The following EYA2 variants were observed in gnomAD, a reference collection of about 807,000 sequenced individuals.
EYA2 encodes EYA transcriptional coactivator and phosphatase 2.
A neutral mutation model predicts 69.2 loss-of-function variants in EYA2; 31 were observed. The ratio of observed to expected loss-of-function variants is 0.45; its 90% CI spans 0.34 to 0.60. The LOEUF (loss-of-function observed/expected upper bound fraction) is 0.60, where lower values mean the gene tolerates loss of function less well. Among genes scored for constraint, EYA2 ranks in the 20% least tolerant of loss-of-function variants. EYA2 has a pLI of 0.02. For synonymous variants in EYA2, 257 were observed against 279.4 expected, an observed-to-expected ratio of 0.92 and a Z score of 0.80; for missense variants, 622 against 701.2, an observed-to-expected ratio of 0.89 and a Z score of 1.28.
chr20:46,916,820 T>C (rs1221163593), intron 1 of EYA2, among the ~76,000 whole-genome samples: 1 of 152,200 alleles, frequency 6.6e-6, no homozygotes, highest in Non-Finnish European at 1.5e-5. Context: ...AGGCCTGCTG[T>C]GTGCCAGACA....
At chr20:47,074,014 G>T in intron 6 of EYA2, 144 bp from the exon 7 acceptor site, 1 of 746,710 alleles carries the variant, frequency 1.3e-6, no homozygotes, top group South Asian at 2.5e-5. Context: ...CCCGGGGTCT[G>T]CTTCTGGGAA....
chr20:47,035,784 G>T (rs1009112989), intron 5 of EYA2, among the ~76,000 whole-genome samples: 1 of 151,926 alleles, frequency 6.6e-6, no homozygotes, highest in African/African-American at 2.4e-5. Flanking sequence ...GAGGCAGGAG[G>T]ACTCCTTGAG....
intron 8 of EYA2, among the ~76,000 whole-genome samples, chr20:47,093,382 G>C (rs896829948): frequency 1.3e-5 from 2 of 152,250 alleles, no homozygotes; most frequent in Admixed American, 1.3e-4. Context: ...GGGGGCCATA[G>C]GAGGTGAAAT....
chr20:47,032,049 A>AG (rs1159222721), intron 5 of EYA2, among the ~76,000 whole-genome samples: 3 of 152,194 alleles, frequency 2.0e-5, no homozygotes, highest in Non-Finnish European at 4.4e-5. Flanking sequence ...AGCCTCAGGC[A>AG]GGGAGCCATT....
intron 9 of EYA2, among the ~76,000 whole-genome samples, chr20:47,129,139 A>G (rs913721474): frequency 6.6e-6 from 1 of 152,136 alleles, no homozygotes; most frequent in Non-Finnish European, 1.5e-5. Context: ...AAAGAAAATA[A>G]ATTAACCAAG....
intron 5 of EYA2, among the ~76,000 whole-genome samples, chr20:47,057,179 A>AAGGAAGGG: frequency 6.8e-6 from 1 of 147,364 alleles, no homozygotes; most frequent in Non-Finnish European, 1.5e-5. Context: ...GGAAGGAAGG[A>AAGGAAGGG]AGGAATCTCA....
chr20:47,100,065 C>T (rs2032381603), intron 9 of EYA2, among the ~76,000 whole-genome samples: 1 of 152,034 alleles, frequency 6.6e-6, no homozygotes, highest in African/African-American at 2.4e-5. Flanking sequence ...ATCACCAGTG[C>T]ATGGAACAGT....
At chr20:47,011,602 A>G (rs113192064) in intron 4 of EYA2, among the ~76,000 whole-genome samples, 8 of 152,152 alleles carry the variant, frequency 5.3e-5, no homozygotes, top group African/African-American at 1.7e-4. Context: ...ACCTTTGCAC[A>G]TGCCTTCCCT....
intron 4 of EYA2, among the ~76,000 whole-genome samples, chr20:47,014,635 T>C (rs955522012): frequency 4.6e-5 from 5 of 107,612 alleles, no homozygotes; most frequent in African/African-American, 1.7e-4. Context: ...AAAATGTGTG[T>C]GTGTGTGTGT....
intron 12 of EYA2, among the ~76,000 whole-genome samples, chr20:47,174,766 A>C (rs554719033): frequency 6.6e-6 from 1 of 152,360 alleles, no homozygotes; most frequent in East Asian, 1.9e-4. Flanking sequence ...GCAGAAACTG[A>C]GATGACGGAG....
intron 5 of EYA2, among the ~76,000 whole-genome samples, chr20:47,023,371 C>G (rs751686600): frequency 2.0e-5 from 3 of 151,854 alleles, no homozygotes; most frequent in African/African-American, 7.3e-5. Context: ...GTTGTTGTTA[C>G]GTGCCTTGAT....
At chr20:47,146,427 C>G (rs1451911383) in intron 10 of EYA2, among the ~76,000 whole-genome samples, 5 of 152,190 alleles carry the variant, frequency 3.3e-5, no homozygotes, top group Non-Finnish European at 7.3e-5. Flanking sequence ...TGTCTGGCCC[C>G]TGAAGTCGAA....
chr20:47,153,470 A>G (rs1299694465), intron 10 of EYA2, among the ~76,000 whole-genome samples: 3 of 151,490 alleles, frequency 2.0e-5, no homozygotes, highest in Admixed American at 1.3e-4. Flanking sequence ...ACAAAACCCC[A>G]TATCTTCAAA....
rs2031995139 is a variant in EYA2, at chr20:47,089,272, C to T, written c.695C>T (p.Pro232Leu). The T allele has an allele frequency of 6.2e-7, 1 of 1,614,032 alleles. No individual in the cohort carries two copies. The highest frequency in any genetic ancestry group is 8.5e-7 in the Non-Finnish European group (1 of 1,180,032). The change falls in exon 8 of 16, where the codon CCA becomes CTA. Residue 232 changes from proline (P) to leucine (L), a missense_variant. Transcript: ENST00000327619. ...AACACACACAATGGACCTTCCACAC[C>T]AGCGAAAGAGGGAGACACAGACAGG... ...EYNTHNGPST[P>L]AKEGDTDRPH...
intron 5 of EYA2, among the ~76,000 whole-genome samples, chr20:47,023,700 T>G (rs1983909611): frequency 7.3e-6 from 1 of 136,696 alleles, no homozygotes; most frequent in Non-Finnish European, 1.5e-5. Flanking sequence ...TGCAGTGGCG[T>G]AATCTCGGCT....
chr20:47,117,304 C>G (rs1049736656), intron 9 of EYA2: 3 of 935,372 alleles, frequency 3.2e-6, no homozygotes, highest in Admixed American at 1.2e-4. Context: ...GCCACCGCAC[C>G]CAGCCAAGCA....
chr20:47,076,602 T>C (rs1416950095), intron 7 of EYA2, among the ~76,000 whole-genome samples: 4 of 152,226 alleles, frequency 2.6e-5, no homozygotes, highest in African/African-American at 9.6e-5. Context: ...GAAACCCTTT[T>C]GATTAGCCAA....
intron 12 of EYA2, among the ~76,000 whole-genome samples, chr20:47,174,634 A>G (rs894905624): frequency 3.3e-5 from 5 of 152,208 alleles, no homozygotes; most frequent in Non-Finnish European, 5.9e-5. Context: ...CGGTCCTGGC[A>G]GTAGCTAATG....
chr20:47,163,698 CAAAAAAAA>C (rs11471495), intron 10 of EYA2, among the ~76,000 whole-genome samples: 6 of 85,536 alleles, frequency 7.0e-5, no homozygotes, highest in African/African-American at 1.8e-4. Context: ...AACACTGTCT[CAAAAAAAA>C]AAAAAAAAAA....
Sources: gnomAD v4.1 joint callset for allele counts (sites outside exome capture counted in the v4.1 genomes callset) on GRCh38, gnomAD v4.1.1 for gene constraint, MANE v1.5 for transcripts, NCBI Gene and HGNC (gene_info 2026-07-23, HGNC 2026-07-21) for gene names.